INSR: variants seen among roughly 807,000 people sequenced by gnomAD.
INSR encodes insulin receptor, also known as IR.
INSR carries 67 observed loss-of-function variants against 142.6 expected under a neutral mutation model. The ratio of observed to expected loss-of-function variants is 0.47; its 90% CI spans 0.39 to 0.58. The LOEUF is 0.58. INSR is among the 20% of genes least tolerant of loss of function. The pLI, the probability that INSR is intolerant of heterozygous loss-of-function variation, is 0.00. For synonymous variants in INSR, 756 were observed against 743.1 expected (o/e 1.02, Z -0.28); for missense variants, 1,248 against 1,833.2 (o/e 0.68, Z 5.83).
At chr19:7,259,987 T>A in intron 2 of INSR, among the ~76,000 whole-genome samples, 1 of 151,786 alleles carries the variant, frequency 6.6e-6, no homozygotes, top group East Asian at 1.9e-4. Flanking sequence ...TTTAAAAAAA[T>A]ATTAAAAACT....
chr19:7,275,147 G>C (rs1418680651), intron 1 of INSR, among the ~76,000 whole-genome samples: 1 of 151,674 alleles, frequency 6.6e-6, no homozygotes, highest in Non-Finnish European at 1.5e-5. Context: ...AGATAATTTT[G>C]TATTTTTAGT....
chr19:7,268,421 G>T (rs80212706), intron 1 of INSR: 1 of 984,446 alleles, frequency 1.0e-6, no homozygotes, highest in African/African-American at 1.7e-5. Flanking sequence ...ACCTGGGTGT[G>T]GTGAGGGCTT....
At chr19:7,235,061 AAATAAT>A (rs35762925) in intron 2 of INSR, among the ~76,000 whole-genome samples, 1 of 150,344 alleles carries the variant, frequency 6.7e-6, no homozygotes, top group African/African-American at 2.5e-5. Flanking sequence ...CCGTCTCAAA[AAATAAT>A]AATAATAATA....
intron 13 of INSR, among the ~76,000 whole-genome samples, chr19:7,140,857 T>C (rs1421365330): frequency 1.3e-5 from 2 of 151,128 alleles, no homozygotes; most frequent in African/African-American, 4.9e-5. Context: ...ATCAATGAGA[T>C]ACTCTGTGTA....
At position 7,119,478 on chromosome 19, in the gene INSR, C is replaced by T. The variant is rs373627875; in HGVS notation, c.3765G>A (p.Leu1255=). 1.9e-6 allele frequency: 3 copies of T among 1,614,176 alleles called. No homozygotes were observed. Among genetic ancestry groups the T allele is most frequent in the Non-Finnish European group, 2.5e-6 (3 of 1,180,022 alleles). Residue 1255 remains leucine (L), a synonymous_variant, in exon 21 of 22, where the codon CTG becomes CTA. Transcript: ENST00000302850. This position sits in a 1 kb window ranked among gnomAD's most constrained non-coding sequence, Gnocchi z 5.2. ...VLKFVMDGGY[L]DQPDNCPERV... is the part of the protein sequence containing the mutation. ...TCTCTGGACAGTTGTCGGGTTGATC[C>T]AGATACCCTCCATCCATGACAAATT...
At chr19:7,147,355 A>G (rs1023732304) in intron 11 of INSR, among the ~76,000 whole-genome samples, 4 of 151,908 alleles carry the variant, frequency 2.6e-5, no homozygotes, top group African/African-American at 4.8e-5. Context: ...TTGTATTTTT[A>G]GTAGAGAAGG....
intron 2 of INSR, among the ~76,000 whole-genome samples, chr19:7,208,356 C>T (rs1234292331): frequency 6.6e-6 from 1 of 151,906 alleles, no homozygotes; most frequent in East Asian, 1.9e-4. Context: ...TCCCTCTGGC[C>T]GTGTATTATT....
At chr19:7,122,480 C>A in intron 19 of INSR, 134 bp downstream of exon 19, 1 of 951,838 alleles carries the variant, frequency 1.1e-6, no homozygotes. Flanking sequence ...CAAAAAAAAC[C>A]CCACAAAAAA....
intron 2 of INSR, among the ~76,000 whole-genome samples, chr19:7,260,202 G>A (rs1187844188): frequency 2.0e-5 from 3 of 152,108 alleles, no homozygotes; most frequent in East Asian, 3.9e-4. Flanking sequence ...ACTCGGAGCT[G>A]TAATCTCAGA....
At chr19:7,207,930 A>AGGGAGGG (rs1568486934) in intron 2 of INSR, among the ~76,000 whole-genome samples, 43 of 127,808 alleles carry the variant, frequency 3.4e-4, no homozygotes, top group African/African-American at 1.3e-3. Flanking sequence ...GGAAGGAAGG[A>AGGGAGGG]AGGAAGGAAG....
In INSR at chr19:7,168,057, T is replaced by C; in HGVS notation, c.1521A>G (p.Thr507=). Reference sequence around the variant, plus strand: ...ATCTCAGCAAGATCTTGTCAAAAGATGTCCGAATGTAAGAAAATTTAAGTA... The same window carrying C: ...ATCTCAGCAAGATCTTGTCAAAAGACGTCCGAATGTAAGAAAATTTAAGTA... ...NELLKFSYIR[T]SFDKILLRWE... is the part of the protein sequence containing the mutation. The change falls in exon 7 of 22, where the codon ACA becomes ACG. Residue 507 remains threonine, a synonymous_variant. Transcript: ENST00000302850. This position sits in a 1 kb window ranked among gnomAD's most constrained non-coding sequence, Gnocchi z 4.3. 2 of 1,614,078 alleles carry C rather than the reference T, an allele frequency of 1.2e-6. No individual in the cohort carries two copies. Among genetic ancestry groups the C allele is most frequent in the Non-Finnish European group, 1.7e-6 (2 of 1,179,972 alleles).
intron 1 of INSR, among the ~76,000 whole-genome samples, chr19:7,272,813 C>G (rs1201728194): frequency 6.6e-6 from 1 of 152,140 alleles, no homozygotes; most frequent in Non-Finnish European, 1.5e-5. Context: ...AACTCCTGAA[C>G]TCAAGCAATC....
At chr19:7,191,651 G>A (rs1364869647) in intron 2 of INSR, among the ~76,000 whole-genome samples, 2 of 152,022 alleles carry the variant, frequency 1.3e-5, no homozygotes, top group Non-Finnish European at 2.9e-5. Flanking sequence ...CCAGACCCCT[G>A]TCTCTACAAA....
At chr19:7,161,860 G>C (rs1973756023) in intron 9 of INSR, among the ~76,000 whole-genome samples, 1 of 152,098 alleles carries the variant, frequency 6.6e-6, no homozygotes, top group Admixed American at 6.6e-5. Flanking sequence ...CAAGTCTTCA[G>C]TGCGTGCTTG....
At chr19:7,276,580 C>T (rs1370039897) in intron 1 of INSR, among the ~76,000 whole-genome samples, 1 of 152,160 alleles carries the variant, frequency 6.6e-6, no homozygotes, top group African/African-American at 2.4e-5. Flanking sequence ...GTTCTGGTGT[C>T]AGGCCACCAC....
chr19:7,136,352 T>C lies in INSR; in HGVS notation c.2683-4035A>G, dbSNP rs559233556. Among the ~76,000 whole-genome samples the C allele has an allele frequency of 3.9e-5, 6 of 152,044 alleles. No individual in the cohort carries two copies. The South Asian group carries it at 1.2e-3, about 32-fold the overall frequency. ...CGTTTCCACTGCAGACCCTCCTTGA[T>C]TTTTTTTCTGCTTCTGTGTCCAACT... On this transcript the variant is annotated intron_variant, in intron 13 of 21. Coordinates refer to ENST00000302850, the MANE Select transcript of INSR (RefSeq NM_000208.4).
In INSR at chr19:7,195,918, C is replaced by T. The variant is rs868524470; in HGVS notation, c.653-11281G>A. On this transcript the variant is annotated intron_variant, in intron 2 of 21. Transcript: ENST00000302850. ...TACCATCATTATGTAAGAGAACTTT[C>T]TTTCTTTTCTTTCTTTTTTTTTTTT... Among the ~76,000 whole-genome samples, 103 of 94,826 alleles carry T rather than the reference C, an allele frequency of 1.1e-3. 1 individual carries two copies. Among genetic ancestry groups the T allele is most frequent in the African/African-American group, 4.3e-3 (102 of 23,952 alleles). 62.2% of individuals were successfully genotyped at this position (94,826 alleles called of 152,430 possible).
intron 1 of INSR, among the ~76,000 whole-genome samples, chr19:7,274,796 C>T (rs1968016402): frequency 7.5e-6 from 1 of 133,914 alleles, no homozygotes; most frequent in Non-Finnish European, 1.6e-5. Context: ...CAGAGTGAGA[C>T]TGTGTCTCAA....
At chr19:7,269,610 A>G (rs1250418126) in intron 1 of INSR, among the ~76,000 whole-genome samples, 1 of 116,234 alleles carries the variant, frequency 8.6e-6, no homozygotes, top group Non-Finnish European at 1.7e-5. Flanking sequence ...CCTCCTAGTC[A>G]GGGACCCAAC....
Sources: allele counts gnomAD v4.1 joint callset (sites outside exome capture counted in the v4.1 genomes callset), GRCh38; gene constraint gnomAD v4.1.1; non-coding constraint Gnocchi (gnomAD v3.1); transcripts MANE v1.5; gene names NCBI Gene and HGNC (gene_info 2026-07-23, HGNC 2026-07-21).